The following AGBL1 variants were observed in gnomAD, a reference collection of about 807,000 sequenced individuals.
AGBL1 encodes AGBL carboxypeptidase 1.
Under a neutral mutation model 118.9 loss-of-function variants are expected in AGBL1, and 130 were observed. The observed-to-expected ratio is 1.09, with a 90% confidence interval of 0.95 to 1.26. The LOEUF is 1.26. AGBL1 is among the 50% of genes most tolerant of loss of function. The pLI, the probability that AGBL1 is intolerant of heterozygous loss-of-function variation, is 0.00. For synonymous variants in AGBL1, 555 were observed against 478.9 expected (o/e 1.16, Z -2.08); for missense variants, 1,584 against 1,298.1 (o/e 1.22, Z -3.38).
rs1205568225 is a variant in AGBL1 at position 86,827,380 on chromosome 15, TATAC to T, written c.3159-79705_3159-79702del. Among the ~76,000 whole-genome samples the T allele has an allele frequency of 2.1e-3, 20 of 9,730 alleles. 1 individual carries two copies. The highest frequency in any genetic ancestry group is 0.013 in the African/African-American group (15 of 1,182). The allele number at this position is 9,730 out of a possible 152,430, so 6.4% of individuals were successfully genotyped here. On this transcript the variant is annotated intron_variant, in intron 22 of 22. Transcript: ENST00000614907. ...ATATATATGTGTGTGTATATATATA[TATAC>T]ACATATATATATACATATATATATG...
chr15:86,656,321 T>C (rs1370011145), intron 21 of AGBL1, among the ~76,000 whole-genome samples: 1 of 152,204 alleles, frequency 6.6e-6, no homozygotes, highest in Non-Finnish European at 1.5e-5. Flanking sequence ...CTAGCATTAT[T>C]AGAAAGAAAG....
chr15:86,206,926 G>C (rs184196922), intron 5 of AGBL1, among the ~76,000 whole-genome samples: 1 of 152,156 alleles, frequency 6.6e-6, no homozygotes, highest in Non-Finnish European at 1.5e-5. Context: ...TTTTCTTCTA[G>C]GGTTTTTATG....
Position 86,126,827 on chromosome 15 carries a change from C to G in AGBL1, c.52-15177C>G, listed in dbSNP as rs567814764. 3.3e-4 allele frequency among the ~76,000 whole-genome samples: 51 copies of G among 152,282 alleles called. 1 individual carries two copies. Among genetic ancestry groups the G allele is most frequent in the Middle Eastern group, 3.4e-3 (1 of 294 alleles). Reference sequence around the variant, plus strand: ...GTTATAATTGATACACCAAATCTTGCAACAAATTTTCATTGCAGCTGGCCA... The same window carrying G: ...GTTATAATTGATACACCAAATCTTGGAACAAATTTTCATTGCAGCTGGCCA... On this transcript the variant is annotated intron_variant, in intron 1 of 22. Coordinates refer to ENST00000614907, the MANE Select transcript of AGBL1 (RefSeq NM_001386094.1).
intron 22 of AGBL1, among the ~76,000 whole-genome samples, chr15:86,887,364 T>A (rs2079985425): frequency 6.6e-6 from 1 of 152,166 alleles, no homozygotes; most frequent in Non-Finnish European, 1.5e-5. Flanking sequence ...AAGCATCTCT[T>A]TCATTAACAC....
intron 21 of AGBL1, among the ~76,000 whole-genome samples, chr15:86,647,628 G>A (rs1596335183): frequency 6.6e-6 from 1 of 152,286 alleles, no homozygotes; most frequent in Non-Finnish European, 1.5e-5. Flanking sequence ...TTGAACCTAG[G>A]AGGCGGAGGT....
At chr15:86,927,425 CAAA>C (rs10597612) in intron 23 of AGBL1, among the ~76,000 whole-genome samples, 6,398 of 141,892 alleles carry the variant, frequency 0.045, 268 homozygotes, top group South Asian at 0.19. Flanking sequence ...CCCATCTTTA[CAAA>C]AAAAAAAAAT....
rs5814253 is a variant in AGBL1 at position 86,617,760 on chromosome 15, GCACACACACA to G, written c.2995-56488_2995-56479del. ...AATTCTGTGTGATTCAACTTTATGCGCACACACACACACACACACACACACACACACACAG... is the reference window on the plus strand; with the variant it reads ...AATTCTGTGTGATTCAACTTTATGCGCACACACACACACACACACACACAG... On this transcript the variant is annotated intron_variant, in intron 21 of 22. Transcript: ENST00000614907. 2.9e-3 allele frequency among the ~76,000 whole-genome samples: 422 copies of G among 146,914 alleles called. 3 individuals carry two copies. The highest frequency in any genetic ancestry group is 5.9e-3 in the African/African-American group (231 of 39,344).
intron 22 of AGBL1, among the ~76,000 whole-genome samples, chr15:86,702,904 T>G (rs1370762991): frequency 1.3e-5 from 2 of 148,654 alleles, no homozygotes; most frequent in Non-Finnish European, 3.0e-5. Context: ...AAAAAATCTT[T>G]CAAGGAAGCA....
chr15:86,328,077 G>C (rs2080212204), intron 17 of AGBL1, among the ~76,000 whole-genome samples: 1 of 152,150 alleles, frequency 6.6e-6, no homozygotes, highest in African/African-American at 2.4e-5. Context: ...CTGAAAACAA[G>C]ATGAGTCAAC....
rs1452446 is a variant in AGBL1, at chr15:86,767,368, G to C, written c.3158+92932G>C. Among the ~76,000 whole-genome samples the C allele has an allele frequency of 1.3e-3, 196 of 151,988 alleles. 6 individuals carry two copies. The South Asian group carries it at 0.039, about 30-fold the overall frequency. Reference sequence around the variant, plus strand: ...CTAAAATAAGTAAAGCCAAGCTAGGGAAAGACAGACTTTTTCCCTCTTTGC... The same window carrying C: ...CTAAAATAAGTAAAGCCAAGCTAGGCAAAGACAGACTTTTTCCCTCTTTGC... On this transcript the variant is annotated intron_variant, in intron 22 of 22. Coordinates refer to ENST00000614907, the MANE Select transcript of AGBL1 (RefSeq NM_001386094.1).
At chr15:86,344,974 T>G (rs1246760736) in intron 17 of AGBL1, among the ~76,000 whole-genome samples, 1 of 152,094 alleles carries the variant, frequency 6.6e-6, no homozygotes, top group Non-Finnish European at 1.5e-5. Flanking sequence ...GGAACATAAT[T>G]TTCCTACAAT....
intron 22 of AGBL1, among the ~76,000 whole-genome samples, chr15:86,731,912 C>T (rs760638344): frequency 1.3e-5 from 2 of 152,216 alleles, no homozygotes; most frequent in Non-Finnish European, 2.9e-5. Flanking sequence ...AAACTCAGTT[C>T]TTTAAGGACC....
chr15:86,923,829 G>A (rs550547370), intron 23 of AGBL1, among the ~76,000 whole-genome samples: 1 of 152,060 alleles, frequency 6.6e-6, no homozygotes, highest in Non-Finnish European at 1.5e-5. Context: ...GATTAACAAA[G>A]TTTAAAAACC....
At chr15:86,098,989 A>C (rs1330611535) in intron 1 of AGBL1, among the ~76,000 whole-genome samples, 1 of 152,094 alleles carries the variant, frequency 6.6e-6, no homozygotes, top group African/African-American at 2.4e-5. Context: ...AATTTCCTTC[A>C]TCAATGTTTT....
At chr15:86,184,648 C>G (rs1171995065) in intron 5 of AGBL1, among the ~76,000 whole-genome samples, 6 of 152,118 alleles carry the variant, frequency 3.9e-5, no homozygotes, top group Non-Finnish European at 8.8e-5. Flanking sequence ...TCCCATATTT[C>G]TTGGAGGCTT....
At chr15:86,457,466 C>T (rs538443606) in intron 18 of AGBL1, among the ~76,000 whole-genome samples, 16 of 152,084 alleles carry the variant, frequency 1.1e-4, no homozygotes, top group Admixed American at 7.9e-4. Flanking sequence ...GCAGGACATC[C>T]GGAGAATACT....
intron 24 of AGBL1, among the ~76,000 whole-genome samples, chr15:87,013,857 G>A (rs1405456367): frequency 1.3e-5 from 2 of 152,092 alleles, no homozygotes; most frequent in Non-Finnish European, 2.9e-5. Flanking sequence ...GAGCAGCATG[G>A]GGTAGCAGGG....
At chr15:86,586,948 A>T (rs892570597) in intron 21 of AGBL1, among the ~76,000 whole-genome samples, 3 of 152,150 alleles carry the variant, frequency 2.0e-5, no homozygotes, top group African/African-American at 7.2e-5. Context: ...GACCTGTTTA[A>T]TGAGCTTTAA....
At chr15:86,133,445 T>C (rs189201829) in intron 1 of AGBL1, among the ~76,000 whole-genome samples, 20 of 152,354 alleles carry the variant, frequency 1.3e-4, no homozygotes, top group African/African-American at 4.3e-4. Flanking sequence ...CACCTATTCC[T>C]GGTTGCACTT....
Sources: gnomAD v4.1 joint callset for allele counts (sites outside exome capture counted in the v4.1 genomes callset) on GRCh38, gnomAD v4.1.1 for gene constraint, MANE v1.5 for transcripts, NCBI Gene and HGNC (gene_info 2026-07-23, HGNC 2026-07-21) for gene names.